CRMP1: variants seen among roughly 807,000 people sequenced by gnomAD.
CRMP1 encodes the protein collapsin response mediator protein 1.
CRMP1 carries 19 observed loss-of-function variants against 68.3 expected under a neutral mutation model. The ratio of observed to expected loss-of-function variants is 0.28; its 90% confidence interval spans 0.19 to 0.41. The LOEUF (loss-of-function observed/expected upper bound fraction) is 0.41. Among genes scored for constraint, CRMP1 ranks in the 10% least tolerant of loss-of-function variants. CRMP1 has a pLI of 1.00. For missense variants in CRMP1, 791 were observed against 967.4 expected, an observed-to-expected ratio of 0.82 and a Z score of 2.42; for synonymous variants, 439 against 399.6, an observed-to-expected ratio of 1.10 and a Z score of -1.18.
At chr4:5,851,891 G>A (rs879856691) in intron 4 of CRMP1, among the ~76,000 whole-genome samples, 3,755 of 74,420 alleles carry the variant, frequency 0.05, 52 homozygotes, top group South Asian at 0.085. Context: ...AGGAAGAGGA[G>A]GAGGAAGAAA....
intron 10 of CRMP1, among the ~76,000 whole-genome samples, chr4:5,836,405 C>T (rs915189054): frequency 6.6e-6 from 1 of 152,234 alleles, no homozygotes; most frequent in Non-Finnish European, 1.5e-5. Flanking sequence ...TCTTCCTCTG[C>T]AACAGGAATT....
At chr4:5,873,544 G>A (rs1010855698) in intron 1 of CRMP1, among the ~76,000 whole-genome samples, 5 of 152,082 alleles carry the variant, frequency 3.3e-5, no homozygotes, top group Non-Finnish European at 7.4e-5. Context: ...CTCACAGGAA[G>A]AAGAGAGAGA....
At position 5,860,151 on chromosome 4, in the gene CRMP1, G is replaced by A. The variant is rs1328352662; in HGVS notation, c.655+875C>T. On this transcript the variant is annotated intron_variant, in intron 3 of 13. Coordinates refer to ENST00000324989, the MANE Select transcript of CRMP1 (RefSeq NM_001014809.3). The surrounding 1 kb of genome is among the most constrained non-coding windows in gnomAD (Gnocchi z 4.2). ...CCTCACCAGGGCTCTCTGTGGCACA[G>A]TGTGCTCCTGTCAACTTTGGGCTCG... 6.6e-6 allele frequency among the ~76,000 whole-genome samples: 1 copy of A among 152,118 alleles called. No homozygotes were observed. The highest frequency in any genetic ancestry group is 2.1e-4 in the South Asian group (1 of 4,822).
At position 5,865,247 on chromosome 4, in the gene CRMP1, C is replaced by G. The variant is rs1255295271; in HGVS notation, c.470+1421G>C. On this transcript the variant is annotated intron_variant, in intron 2 of 13. Transcript: ENST00000324989. The surrounding 1 kb of genome is among the most constrained non-coding windows in gnomAD (Gnocchi z 4.1). ...TGTCCTTCTCTTCTCTTCCAGATTT[C>G]AAGGGAAGAGGCTGAGCACCCAGCA... 6.6e-6 allele frequency among the ~76,000 whole-genome samples: 1 copy of G among 152,086 alleles called. No homozygotes were observed. Among genetic ancestry groups the G allele is most frequent in the African/African-American group, 2.4e-5 (1 of 41,392 alleles).
rs1289574229 is a variant in CRMP1 at position 5,832,750 on chromosome 4, C to G, written c.1623+3165G>C. On this transcript the variant is annotated intron_variant, in intron 11 of 13. Transcript: ENST00000324989. Reference sequence around the variant, plus strand: ...GAGGGGATGCTTCCCCAAGTTTACCCTGAAGACAGTTACCTCCCAGATGGG... The same window carrying G: ...GAGGGGATGCTTCCCCAAGTTTACCGTGAAGACAGTTACCTCCCAGATGGG... Among the ~76,000 whole-genome samples the G allele has an allele frequency of 2.6e-5, 4 of 152,294 alleles. No individual in the cohort carries two copies. The East Asian group carries it at 7.7e-4, about 29-fold the overall frequency.
intron 6 of CRMP1, among the ~76,000 whole-genome samples, chr4:5,846,599 C>CT (rs34423528): frequency 0.54 from 80,148 of 147,508 alleles, 22,837 homozygotes; most frequent in East Asian, 0.86. Flanking sequence ...CCCCAAAATT[C>CT]TTTTTTTTTT....
intron 1 of CRMP1, among the ~76,000 whole-genome samples, chr4:5,871,694 C>A (rs1714466773): frequency 6.6e-6 from 1 of 152,072 alleles, no homozygotes; most frequent in Non-Finnish European, 1.5e-5. Flanking sequence ...AAAAAGAAAT[C>A]TCTGGGTTAA....
In CRMP1 at chr4:5,890,061, A is replaced by C. The variant is rs41264697; in HGVS notation, c.381+2528T>G. On this transcript the variant is annotated intron_variant, in intron 1 of 13. Coordinates refer to ENST00000324989, the MANE Select transcript of CRMP1 (RefSeq NM_001014809.3). This position sits in a 1 kb window ranked among gnomAD's most constrained non-coding sequence, Gnocchi z 5.5. ...ACAACTCATTTCCCTCCACGCATTCATGCATCCCTGGCTCTCAGCGGGGCC... is the reference window on the plus strand; with the variant it reads ...ACAACTCATTTCCCTCCACGCATTCCTGCATCCCTGGCTCTCAGCGGGGCC... 0.028 allele frequency: 12,681 copies of C among 458,142 alleles called. 233 individuals are homozygous for C. Among genetic ancestry groups the C allele is most frequent in the South Asian group, 0.043 (683 of 15,842 alleles). The allele number at this position is 458,142 out of a possible 1,614,324, so 28.4% of individuals were successfully genotyped here.
chr4:5,868,579 G>A (rs1714215296), intron 1 of CRMP1, among the ~76,000 whole-genome samples: 1 of 152,020 alleles, frequency 6.6e-6, no homozygotes, highest in South Asian at 2.1e-4. Flanking sequence ...GGGATTACAG[G>A]CGTGAGCCAC....
chr4:5,846,626 T>C (rs1255048562), intron 6 of CRMP1, among the ~76,000 whole-genome samples: 15 of 151,734 alleles, frequency 9.9e-5, no homozygotes, highest in Admixed American at 8.5e-4. Flanking sequence ...GGGGTCTCAC[T>C]GTCACCCAGG....
chr4:5,862,367 A>G (rs1713641273), intron 2 of CRMP1, among the ~76,000 whole-genome samples: 1 of 152,022 alleles, frequency 6.6e-6, no homozygotes, highest in East Asian at 1.9e-4. Flanking sequence ...TACCCCCAGA[A>G]TGTCCACCAC....
chr4:5,863,519 A>T (rs748803596), intron 2 of CRMP1, among the ~76,000 whole-genome samples: 1 of 152,146 alleles, frequency 6.6e-6, no homozygotes. Context: ...CCCCCAGTGA[A>T]TCAGAGGGAC....
At chr4:5,833,579 C>A (rs2152457305) in intron 11 of CRMP1, among the ~76,000 whole-genome samples, 1 of 152,246 alleles carries the variant, frequency 6.6e-6, no homozygotes, top group East Asian at 1.9e-4. Context: ...TCCATTTTCT[C>A]ATTTATCAAT....
chr4:5,864,680 G>A (rs146013603), intron 2 of CRMP1, among the ~76,000 whole-genome samples: 199 of 152,272 alleles, frequency 1.3e-3, no homozygotes, highest in African/African-American at 4.1e-3. Flanking sequence ...ACCCCACACC[G>A]TCTTGGGGTC....
At position 5,877,249 on chromosome 4, in the gene CRMP1, T is replaced by C. The variant is rs1714904207; in HGVS notation, c.382-10493A>G. On this transcript the variant is annotated intron_variant, in intron 1 of 13. Transcript: ENST00000324989. This position sits in a 1 kb window ranked among gnomAD's most constrained non-coding sequence, Gnocchi z 4.3. ...ATTGCCATAAATAAATATTGGTTGC[T>C]GTAAGGCACAGAGTCTAGAGGGGGT... Among the ~76,000 whole-genome samples, 3 of 152,252 alleles carry C rather than the reference T, an allele frequency of 2.0e-5. No homozygotes were observed. Among genetic ancestry groups the C allele is most frequent in the Non-Finnish European group, 2.9e-5 (2 of 68,048 alleles).
At chr4:5,848,717 G>C (rs552287532) in intron 6 of CRMP1, among the ~76,000 whole-genome samples, 1 of 152,282 alleles carries the variant, frequency 6.6e-6, no homozygotes, top group South Asian at 2.1e-4. Context: ...TGGAGGCTGG[G>C]AAATCTAATA....
At chr4:5,832,763 C>A (rs950168275) in intron 11 of CRMP1, among the ~76,000 whole-genome samples, 4 of 152,192 alleles carry the variant, frequency 2.6e-5, no homozygotes, top group Admixed American at 1.3e-4. Flanking sequence ...AAGACAGTTA[C>A]CTCCCAGATG....
chr4:5,869,672 A>G (rs1271700857), intron 1 of CRMP1, among the ~76,000 whole-genome samples: 1 of 141,104 alleles, frequency 7.1e-6, no homozygotes, highest in Non-Finnish European at 1.6e-5. Flanking sequence ...CAACAGAGCA[A>G]GACTCCGTCA....
intron 2 of CRMP1, among the ~76,000 whole-genome samples, chr4:5,864,465 G>A (rs1165071150): frequency 1.3e-5 from 2 of 152,176 alleles, no homozygotes; most frequent in South Asian, 2.1e-4. Context: ...CGGGATCCAG[G>A]TGCCCTGAGG....
Sources: allele counts gnomAD v4.1 joint callset (sites outside exome capture counted in the v4.1 genomes callset), GRCh38; gene constraint gnomAD v4.1.1; non-coding constraint Gnocchi (gnomAD v3.1); transcripts MANE v1.5; gene names NCBI Gene and HGNC (gene_info 2026-07-23, HGNC 2026-07-21).